Variants in KCNH8 observed in about 807,000 individuals in gnomAD.
KCNH8 encodes the protein potassium voltage-gated channel subfamily H member 8, also known as voltage-gated delayed rectifier potassium channel KCNH8.
Under a neutral mutation model 103.6 loss-of-function variants are expected in KCNH8, and 70 were observed. The ratio of observed to expected loss-of-function variants is 0.68; its 90% CI spans 0.56 to 0.82. KCNH8 has a LOEUF of 0.82. KCNH8 is among the 40% of genes least tolerant of loss of function. KCNH8 has a pLI of 0.00. For synonymous variants in KCNH8, 498 were observed against 489.4 expected (o/e 1.02, Z -0.23); for missense variants, 1,217 against 1,329.9 (o/e 0.92, Z 1.32).
chr3:19,427,509 C>A (rs974788763), intron 7 of KCNH8, among the ~76,000 whole-genome samples: 1 of 152,094 alleles, frequency 6.6e-6, no homozygotes, highest in Non-Finnish European at 1.5e-5. Flanking sequence ...AAAATGGGTT[C>A]TTATAAACAA....
In KCNH8 at chr3:19,513,180, C is replaced by A. The variant is rs1233124755; in HGVS notation, c.2290C>A (p.His764Asn). 6 of 1,613,836 alleles carry A rather than the reference C, an allele frequency of 3.7e-6. No homozygotes were observed. The highest frequency in any genetic ancestry group is 5.1e-6 in the Non-Finnish European group (6 of 1,179,952). Residue 764 changes from histidine (H) to asparagine (N), a missense_variant, in exon 13 of 16, where the codon CAC becomes AAC. By Grantham distance (68) the His-to-Asn change is moderately conservative. Transcript: ENST00000328405. ...ACTGGCCTCGGGAACGGTGCCCTTT[C>A]ACTCGCCTATCAGAGTCTCCAGGTC... ...KQLASGTVPF[H>N]SPIRVSRSNS...
intron 2 of KCNH8, among the ~76,000 whole-genome samples, chr3:19,259,461 A>C (rs184505833): frequency 5.3e-5 from 8 of 151,986 alleles, no homozygotes; most frequent in Non-Finnish European, 1.0e-4. Context: ...GTAACCCTTC[A>C]AATAAATATG....
chr3:19,331,645 T>G (rs770405224), intron 3 of KCNH8, among the ~76,000 whole-genome samples: 2 of 152,196 alleles, frequency 1.3e-5, no homozygotes, highest in Non-Finnish European at 2.9e-5. Context: ...ATGGGATGCA[T>G]AAGATATTTT....
intron 1 of KCNH8, among the ~76,000 whole-genome samples, chr3:19,186,298 A>G (rs1157486369): frequency 6.6e-6 from 1 of 151,424 alleles, no homozygotes; most frequent in Non-Finnish European, 1.5e-5. Flanking sequence ...AAAAAAAAAA[A>G]AAAAAGAAAA....
intron 1 of KCNH8, among the ~76,000 whole-genome samples, chr3:19,236,394 C>T (rs1160076544): frequency 6.6e-6 from 1 of 152,148 alleles, no homozygotes; most frequent in East Asian, 1.9e-4. Flanking sequence ...TCATCGTGTA[C>T]TGCCTCCCTT....
intron 5 of KCNH8, among the ~76,000 whole-genome samples, chr3:19,372,312 T>C (rs1208167048): frequency 1.3e-5 from 2 of 151,628 alleles, no homozygotes; most frequent in Non-Finnish European, 2.9e-5. Context: ...TAGTTCTCCT[T>C]GAAGAGGTCC....
At chr3:19,211,205 A>G (rs531446368) in intron 1 of KCNH8, among the ~76,000 whole-genome samples, 96 of 152,342 alleles carry the variant, frequency 6.3e-4, no homozygotes, top group Admixed American at 9.8e-4. Context: ...AGAAAAACAT[A>G]TACAATGATA....
rs551453952 is a variant in KCNH8 at position 19,438,036 on chromosome 3, CCT to C, written c.1178-127_1178-126del. The stretch of plus-strand genomic sequence containing the variant: ...AAATCTAATAGCTTGCCTTTAATTT[CCT>C]TTTTACCTTCTTCTTCCTCTGAGCA... On this transcript the variant is annotated intron_variant, in intron 7 of 15. Coordinates refer to ENST00000328405, the MANE Select transcript of KCNH8 (RefSeq NM_144633.3). The C allele has an allele frequency of 2.3e-5, 17 of 742,072 alleles. 1 individual carries two copies. In the South Asian group the frequency reaches 2.9e-4, roughly 13 times the overall value. 46.0% of individuals were successfully genotyped at this position (742,072 alleles called of 1,614,324 possible). A position where few individuals can be genotyped will look rare whatever the true frequency, so the allele number is the denominator to read the frequency against.
intron 15 of KCNH8, among the ~76,000 whole-genome samples, chr3:19,524,314 G>A (rs1332746872): frequency 6.6e-6 from 1 of 151,848 alleles, no homozygotes; most frequent in Non-Finnish European, 1.5e-5. Flanking sequence ...AACAAAGACT[G>A]TACATTCACT....
chr3:19,392,234 C>T (rs993700971), intron 6 of KCNH8, among the ~76,000 whole-genome samples: 1 of 149,982 alleles, frequency 6.7e-6, no homozygotes, highest in Non-Finnish European at 1.5e-5. Context: ...ACTTTCACTA[C>T]ACTCCTGCTC....
At chr3:19,296,782 A>G (rs942788022) in intron 3 of KCNH8, among the ~76,000 whole-genome samples, 14 of 152,096 alleles carry the variant, frequency 9.2e-5, no homozygotes, top group Admixed American at 3.3e-4. Context: ...AAATCTCACA[A>G]ATTGCCGCTA....
intron 3 of KCNH8, among the ~76,000 whole-genome samples, chr3:19,309,321 GAGA>G (rs1448133283): frequency 6.6e-6 from 1 of 151,932 alleles, no homozygotes; most frequent in Non-Finnish European, 1.5e-5. Context: ...CCAAGGGATG[GAGA>G]AGAACTGCCT....
At chr3:19,495,687 CTCTT>C (rs1329321744) in intron 11 of KCNH8, among the ~76,000 whole-genome samples, 1 of 150,552 alleles carries the variant, frequency 6.6e-6, no homozygotes, top group Non-Finnish European at 1.5e-5. Flanking sequence ...GCTATTCAGG[CTCTT>C]TTTTAGTTTT....
intron 7 of KCNH8, among the ~76,000 whole-genome samples, chr3:19,424,351 A>G (rs1288745456): frequency 1.3e-5 from 2 of 152,224 alleles, no homozygotes; most frequent in African/African-American, 2.4e-5. Flanking sequence ...ACAAAAATAC[A>G]AAGTGGGGAA....
At chr3:19,342,529 C>G in intron 3 of KCNH8, 58 bp from the exon 4 acceptor site, 1 of 1,538,652 alleles carries the variant, frequency 6.5e-7, no homozygotes, top group Non-Finnish European at 8.8e-7. Context: ...GTCAAAATGA[C>G]ATTCTTGAGG....
intron 7 of KCNH8, among the ~76,000 whole-genome samples, chr3:19,406,884 C>A (rs2066699656): frequency 6.6e-6 from 1 of 152,112 alleles, no homozygotes; most frequent in Admixed American, 6.6e-5. Context: ...GTAAAATGAG[C>A]TAGTCAGATC....
intron 5 of KCNH8, among the ~76,000 whole-genome samples, chr3:19,357,696 T>A (rs2065897279): frequency 6.6e-6 from 1 of 151,936 alleles, no homozygotes; most frequent in Non-Finnish European, 1.5e-5. Flanking sequence ...TATCTCTGAT[T>A]GCTTTGGTCT....
At chr3:19,232,119 GT>G (rs1194008103) in intron 1 of KCNH8, among the ~76,000 whole-genome samples, 1 of 152,092 alleles carries the variant, frequency 6.6e-6, no homozygotes, top group Non-Finnish European at 1.5e-5. Context: ...AGGAATTAGT[GT>G]TTTTTTCCTT....
chr3:19,278,919 A>G (rs776013597), intron 2 of KCNH8, among the ~76,000 whole-genome samples: 1 of 152,134 alleles, frequency 6.6e-6, no homozygotes, highest in Non-Finnish European at 1.5e-5. Flanking sequence ...TTTCCAAAAT[A>G]TATTGGTGCA....
Sources: allele counts gnomAD v4.1 joint callset (sites outside exome capture counted in the v4.1 genomes callset), GRCh38; gene constraint gnomAD v4.1.1; transcripts MANE v1.5; gene names NCBI Gene and HGNC (gene_info 2026-07-23, HGNC 2026-07-21).